The following SLC14A2 variants were observed in gnomAD, a reference collection of about 807,000 sequenced individuals.
SLC14A2 encodes the protein solute carrier family 14 member 2.
SLC14A2 carries 91 observed loss-of-function variants against 104.6 expected under a neutral mutation model. The ratio of observed to expected loss-of-function variants is 0.87; its 90% CI spans 0.73 to 1.04. The LOEUF (loss-of-function observed/expected upper bound fraction) is 1.04, where lower values mean the gene tolerates loss of function less well. SLC14A2 is among the 50% of genes least tolerant of loss of function. The pLI, the probability that SLC14A2 is intolerant of heterozygous loss-of-function variation, is 0.00. For synonymous variants in SLC14A2, 476 were observed against 466.4 expected (o/e 1.02, Z -0.27); for missense variants, 1,189 against 1,156.0 (o/e 1.03, Z -0.41).
intron 1 of SLC14A2, among the ~76,000 whole-genome samples, chr18:45,431,317 G>C (rs926099648): frequency 1.3e-5 from 2 of 152,008 alleles, no homozygotes; most frequent in African/African-American, 4.8e-5. Context: ...CTGTGTGTCT[G>C]TGTGTGTGTG....
At chr18:45,407,604 C>T (rs532499931) in intron 1 of SLC14A2, among the ~76,000 whole-genome samples, 2 of 152,276 alleles carry the variant, frequency 1.3e-5, no homozygotes, top group East Asian at 1.9e-4. Flanking sequence ...GCCTTTGACA[C>T]GCCATCCTCA....
intron 2 of SLC14A2, among the ~76,000 whole-genome samples, chr18:45,581,221 G>T (rs751008118): frequency 6.6e-6 from 1 of 152,194 alleles, no homozygotes; most frequent in Non-Finnish European, 1.5e-5. Context: ...GCAGAGGGGT[G>T]TGGGCCCAGC....
the SLC14A2 span, among the ~76,000 whole-genome samples, chr18:45,191,648 G>A: frequency 1.3e-5 from 2 of 152,126 alleles, no homozygotes; most frequent in Non-Finnish European, 2.9e-5. Flanking sequence ...CCCTGGGGGG[G>A]AAATTCTAGG....
At chr18:45,637,256 C>T in intron 6 of SLC14A2, 74 bp downstream of exon 6, 1 of 1,220,214 alleles carries the variant, frequency 8.2e-7, no homozygotes, top group South Asian at 1.4e-5. Flanking sequence ...AATTTGTGGA[C>T]TATCCATGCT....
intron 2 of SLC14A2, among the ~76,000 whole-genome samples, chr18:45,542,847 T>C (rs945088012): frequency 6.6e-6 from 1 of 152,126 alleles, no homozygotes; most frequent in Non-Finnish European, 1.5e-5. Flanking sequence ...GGATGTGGCC[T>C]CTTATCCCTG....
chr18:45,375,787 C>A (rs961935677), intron 1 of SLC14A2, among the ~76,000 whole-genome samples: 2 of 152,182 alleles, frequency 1.3e-5, no homozygotes, highest in African/African-American at 2.4e-5. Context: ...TGACTACATT[C>A]CCCCATCACT....
chr18:45,357,188 T>C (rs139660843), intron 1 of SLC14A2, among the ~76,000 whole-genome samples: 7 of 150,812 alleles, frequency 4.6e-5, no homozygotes, highest in Admixed American at 3.9e-4. Flanking sequence ...AGCTTTTCTC[T>C]TCCCACTCTT....
chr18:45,626,934 T>G (rs1429874869), intron 3 of SLC14A2, 24 bp from the exon 4 acceptor site: 1 of 1,595,776 alleles, frequency 6.3e-7, no homozygotes, highest in South Asian at 1.1e-5. Context: ...GACCTGCTGA[T>G]GGCTCGCTCT....
the SLC14A2 span, among the ~76,000 whole-genome samples, chr18:45,182,259 A>G: frequency 5.3e-5 from 8 of 152,122 alleles, no homozygotes; most frequent in African/African-American, 1.7e-4. Flanking sequence ...ACAATAAATG[A>G]CCTTAGGAAA....
intron 2 of SLC14A2, among the ~76,000 whole-genome samples, chr18:45,573,376 A>ATGTT (rs143736366): frequency 0.072 from 11,008 of 152,302 alleles, 565 homozygotes; most frequent in Middle Eastern, 0.11. Flanking sequence ...GATGTTAGAG[A>ATGTT]TGTTAGAAAA....
intron 1 of SLC14A2, among the ~76,000 whole-genome samples, chr18:45,350,367 A>G (rs1474161213): frequency 6.6e-6 from 1 of 152,212 alleles, no homozygotes; most frequent in Non-Finnish European, 1.5e-5. Context: ...AGTTGATTAT[A>G]AAACAAACAC....
chr18:45,292,307 G>A (rs1166915431), intron 1 of SLC14A2, among the ~76,000 whole-genome samples: 1 of 152,154 alleles, frequency 6.6e-6, no homozygotes, highest in African/African-American at 2.4e-5. Flanking sequence ...TAGGAATCTA[G>A]TGATCTGTCT....
chr18:45,459,876 A>G (rs115559546), intron 1 of SLC14A2, among the ~76,000 whole-genome samples: 1 of 152,344 alleles, frequency 6.6e-6, no homozygotes, highest in African/African-American at 2.4e-5. Flanking sequence ...AGAAAACAGC[A>G]GAGACCTGGA....
rs1228820306 is a variant in SLC14A2 at position 45,537,065 on chromosome 18, CCCTT to C, written c.-35+53761_-35+53764del. Among the ~76,000 whole-genome samples the C allele has an allele frequency of 2.1e-3, 206 of 97,656 alleles. 1 individual carries two copies. Among genetic ancestry groups the C allele is most frequent in the African/African-American group, 3.6e-3 (88 of 24,730 alleles). The allele number at this position is 97,656 out of a possible 152,430, so 64.1% of individuals were successfully genotyped here. A position where few individuals can be genotyped will look rare whatever the true frequency, so the allele number is the denominator to read the frequency against. ...TCCCTCCCTCCCTCCCTCCCTCCCT[CCCTT>C]CCTTCCTTCCTTCCTTCAACAAATA... On this transcript the variant is annotated intron_variant, in intron 2 of 20. Transcript: ENST00000586448.
In SLC14A2 at chr18:45,644,120, C is replaced by T. The variant is rs773715902; in HGVS notation, c.1311C>T (p.Tyr437=). 1.2e-6 allele frequency: 2 copies of T among 1,614,206 alleles called. No homozygotes were observed. The highest frequency in any genetic ancestry group is 2.7e-5 in the African/African-American group (2 of 75,062). ...VTYPEANRIY[Y]LTVKSGEEEK... is the part of the protein sequence containing the mutation. ...ACCCCGAGGCCAACCGCATCTACTA[C>T]CTGACAGTGAAAAGCGGTGAAGAAG... Residue 437 remains tyrosine (Y), a synonymous_variant, in exon 10 of 20, where the codon TAC becomes TAT. Coordinates refer to ENST00000255226, the MANE Select transcript of SLC14A2 (RefSeq NM_007163.4).
chr18:45,469,978 A>C (rs2087217357), intron 1 of SLC14A2, among the ~76,000 whole-genome samples: 1 of 152,200 alleles, frequency 6.6e-6, no homozygotes, highest in South Asian at 2.1e-4. Flanking sequence ...CAGCGAGTTG[A>C]AAAGTAGAGA....
intron 1 of SLC14A2, among the ~76,000 whole-genome samples, chr18:45,228,371 A>AG (rs1442626120): frequency 6.6e-6 from 1 of 152,092 alleles, no homozygotes; most frequent in African/African-American, 2.4e-5. Context: ...GGACTGTGGG[A>AG]GTCCTCCCTT....
chr18:45,427,822 A>T (rs1276849909), intron 1 of SLC14A2, among the ~76,000 whole-genome samples: 2 of 152,146 alleles, frequency 1.3e-5, no homozygotes, highest in Non-Finnish European at 2.9e-5. Context: ...CAAGCAGGAG[A>T]TCCTGGCATC....
intron 1 of SLC14A2, among the ~76,000 whole-genome samples, chr18:45,239,476 T>A (rs550260593): frequency 2.1e-4 from 32 of 152,356 alleles, no homozygotes; most frequent in Non-Finnish European, 1.2e-4. Flanking sequence ...ATCCCTGAGG[T>A]GGCACACCTT....
Sources: gnomAD v4.1 joint callset for allele counts (sites outside exome capture counted in the v4.1 genomes callset) on GRCh38, gnomAD v4.1.1 for gene constraint, MANE v1.5 for transcripts, NCBI Gene and HGNC (gene_info 2026-07-23, HGNC 2026-07-21) for gene names.